Variants in FRMD4B observed in about 807,000 individuals in gnomAD.
The protein encoded by FRMD4B is FERM domain containing 4B, also known as FERM domain-containing protein 4B.
Under a neutral mutation model 141.5 loss-of-function variants are expected in FRMD4B, and 74 were observed. The ratio of observed to expected loss-of-function variants is 0.52; its 90% CI spans 0.43 to 0.63. The LOEUF is 0.63. Among genes scored for constraint, FRMD4B ranks in the 30% least tolerant of loss-of-function variants. The probability of loss-of-function intolerance (pLI) is 0.00; values close to 1 mark genes in which losing one functional copy is unlikely to be tolerated. For synonymous variants in FRMD4B, 506 were observed against 467.9 expected (o/e 1.08, Z -1.05); for missense variants, 1,366 against 1,253.4 (o/e 1.09, Z -1.36).
chr3:69,265,291 T>A (rs865840145), intron 5 of FRMD4B, among the ~76,000 whole-genome samples: 9,042 of 55,660 alleles, frequency 0.16, 2,456 homozygotes, highest in Non-Finnish European at 0.2. Flanking sequence ...TATATATATA[T>A]ATATATATAT....
intron 22 of FRMD4B, 126 bp downstream of exon 22, chr3:69,176,398 G>A: frequency 2.8e-6 from 2 of 714,298 alleles, no homozygotes; most frequent in Non-Finnish European, 4.9e-6. Flanking sequence ...GATGGCAGCT[G>A]GAGTTGGCCC....
chr3:69,356,614 C>A (rs953917262), intron 1 of FRMD4B, among the ~76,000 whole-genome samples: 1 of 148,140 alleles, frequency 6.8e-6, no homozygotes, highest in Non-Finnish European at 1.5e-5. Flanking sequence ...TATACACACA[C>A]GTATATATAC....
At chr3:69,478,852 T>A (rs371958345) in intron 1 of FRMD4B, among the ~76,000 whole-genome samples, 2 of 151,678 alleles carry the variant, frequency 1.3e-5, no homozygotes, top group South Asian at 2.1e-4. Context: ...GTCTCTTTGT[T>A]GGTCACTCAG....
intron 4 of FRMD4B, among the ~76,000 whole-genome samples, chr3:69,289,561 C>T (rs940759018): frequency 2.6e-5 from 4 of 152,098 alleles, no homozygotes; most frequent in East Asian, 3.9e-4. Flanking sequence ...TTTGGGAGGC[C>T]GAGGCGGGCA....
intron 1 of FRMD4B, among the ~76,000 whole-genome samples, chr3:69,534,821 C>T (rs1370255951): frequency 6.6e-6 from 1 of 152,172 alleles, no homozygotes; most frequent in Non-Finnish European, 1.5e-5. Flanking sequence ...CCTCATCTGT[C>T]AAATGGACAA....
intron 1 of FRMD4B, among the ~76,000 whole-genome samples, chr3:69,452,337 A>G (rs79260501): frequency 0.012 from 1,787 of 152,356 alleles, 31 homozygotes; most frequent in African/African-American, 0.041. Flanking sequence ...CAGGATTGGC[A>G]TGCTTAAGTA....
At chr3:69,259,499 C>T (rs1028112794) in intron 5 of FRMD4B, among the ~76,000 whole-genome samples, 1 of 152,158 alleles carries the variant, frequency 6.6e-6, no homozygotes, top group Non-Finnish European at 1.5e-5. Context: ...CATCCAAAGA[C>T]TCTCTTAATG....
intron 1 of FRMD4B, among the ~76,000 whole-genome samples, chr3:69,375,319 A>G (rs1021295032): frequency 1.3e-5 from 2 of 150,798 alleles, no homozygotes. Flanking sequence ...CCTTCCTTCC[A>G]TCCATCCAAT....
At chr3:69,462,184 C>T (rs1438774653) in intron 1 of FRMD4B, among the ~76,000 whole-genome samples, 1 of 152,108 alleles carries the variant, frequency 6.6e-6, no homozygotes, top group Non-Finnish European at 1.5e-5. Flanking sequence ...TCTTCGTGAA[C>T]AGTAACCAGA....
At chr3:69,188,063 C>A in intron 18 of FRMD4B, 146 bp from the exon 19 acceptor site, 1 of 630,874 alleles carries the variant, frequency 1.6e-6, no homozygotes, top group African/African-American at 1.9e-5. Flanking sequence ...GAACATAACT[C>A]TTTCAAGAAG....
chr3:69,370,731 C>T (rs971546055), intron 1 of FRMD4B, among the ~76,000 whole-genome samples: 1 of 152,208 alleles, frequency 6.6e-6, no homozygotes, highest in African/African-American at 2.4e-5. Flanking sequence ...CCTCCAAATG[C>T]TTGGTGTCTT....
At chr3:69,520,709 T>G (rs1700841823) in intron 1 of FRMD4B, among the ~76,000 whole-genome samples, 1 of 152,024 alleles carries the variant, frequency 6.6e-6, no homozygotes, top group South Asian at 2.1e-4. Flanking sequence ...ACATAGCATC[T>G]CAAAGCATCC....
intron 13 of FRMD4B, 192 bp from the exon 14 acceptor site, chr3:69,196,588 C>G (rs183659947): frequency 2.8e-4 from 164 of 593,442 alleles, no homozygotes; most frequent in Middle Eastern, 1.8e-3. Context: ...GTTTTAATAA[C>G]TATACGTGAT....
intron 1 of FRMD4B, among the ~76,000 whole-genome samples, chr3:69,456,052 G>C (rs1391100929): frequency 6.6e-6 from 1 of 152,204 alleles, no homozygotes; most frequent in Admixed American, 6.5e-5. Context: ...GGTGAAGGCA[G>C]TTAATAACTG....
intron 1 of FRMD4B, among the ~76,000 whole-genome samples, chr3:69,324,864 G>C (rs142381486): frequency 4.2e-5 from 3 of 71,510 alleles, no homozygotes; most frequent in African/African-American, 6.3e-5. Context: ...AGGCTGAGGC[G>C]GGGGGGGATT....
chr3:69,374,785 G>A (rs909458423), intron 1 of FRMD4B, among the ~76,000 whole-genome samples: 2 of 152,164 alleles, frequency 1.3e-5, no homozygotes, highest in African/African-American at 4.8e-5. Flanking sequence ...TGCCCACAGT[G>A]TGTCTACACA....
At chr3:69,454,603 C>T (rs1021725797) in intron 1 of FRMD4B, among the ~76,000 whole-genome samples, 4 of 152,206 alleles carry the variant, frequency 2.6e-5, no homozygotes, top group Admixed American at 1.3e-4. Context: ...GGAGGGTGTG[C>T]CGGGTCCCCC....
At position 69,285,397 on chromosome 3, in the gene FRMD4B, C is replaced by CAAA. The variant is rs56161837; in HGVS notation, c.501+2352_501+2354dup. 1.5e-3 allele frequency among the ~76,000 whole-genome samples: 144 copies of CAAA among 98,834 alleles called. No homozygotes were observed. In the Middle Eastern group the frequency reaches 0.017, roughly 12 times the overall value. 64.8% of individuals were successfully genotyped at this position (98,834 alleles called of 152,430 possible). A position where few individuals can be genotyped will look rare whatever the true frequency, so the allele number is the denominator to read the frequency against. ...TTTGCAAATGAGGCATACATGAGGC[C>CAAA]AAAAAAAAAAAAAAAAAACCTGAAG... On this transcript the variant is annotated intron_variant, in intron 5 of 22. Transcript: ENST00000398540.
chr3:69,352,540 G>GT (rs1703183977), intron 1 of FRMD4B, among the ~76,000 whole-genome samples: 2 of 151,934 alleles, frequency 1.3e-5, no homozygotes, highest in South Asian at 2.1e-4. Flanking sequence ...AATTTCCTTT[G>GT]TTTTTTACCC....
Sources: gnomAD v4.1 joint callset for allele counts (sites outside exome capture counted in the v4.1 genomes callset) on GRCh38, gnomAD v4.1.1 for gene constraint, MANE v1.5 for transcripts, NCBI Gene and HGNC (gene_info 2026-07-23, HGNC 2026-07-21) for gene names.